ANKH: variants seen among roughly 807,000 people sequenced by gnomAD.
ANKH encodes ANKH inorganic pyrophosphate transport regulator, also known as mineralization regulator ANKH.
A neutral mutation model predicts 49.0 loss-of-function variants in ANKH; 15 were observed. The ratio of observed to expected loss-of-function variants is 0.31; its 90% CI spans 0.20 to 0.47. The LOEUF (loss-of-function observed/expected upper bound fraction) is 0.47. Ranked by LOEUF, ANKH falls within the 20% of genes least tolerant of loss-of-function variation. ANKH has a pLI of 1.00. For missense variants in ANKH, 429 were observed against 652.0 expected, an observed-to-expected ratio of 0.66 and a Z score of 3.72; for synonymous variants, 273 against 260.0, an observed-to-expected ratio of 1.05 and a Z score of -0.48.
chr5:14,722,629 G>C (rs1322760597), intron 8 of ANKH, among the ~76,000 whole-genome samples: 1 of 152,166 alleles, frequency 6.6e-6, no homozygotes, highest in Non-Finnish European at 1.5e-5. Context: ...AATAAGTACA[G>C]TATTGAATTA....
chr5:14,807,941 A>C (rs1236600409), intron 1 of ANKH, among the ~76,000 whole-genome samples: 1 of 152,232 alleles, frequency 6.6e-6, no homozygotes, highest in Non-Finnish European at 1.5e-5. Flanking sequence ...TTCTTTCTTC[A>C]TTAGCTCCTT....
At chr5:14,740,531 G>A (rs1738321199) in intron 8 of ANKH, among the ~76,000 whole-genome samples, 2 of 152,302 alleles carry the variant, frequency 1.3e-5, no homozygotes, top group Admixed American at 6.5e-5. Flanking sequence ...TGTTCCACAG[G>A]GACAGGCTGG....
Position 14,871,565 on chromosome 5 carries a change from G to A in ANKH, c.-118C>T. 2.1e-6 allele frequency: 1 copy of A among 486,788 alleles called. No homozygotes were observed. Among genetic ancestry groups the A allele is most frequent in the Non-Finnish European group, 2.8e-6 (1 of 352,568 alleles). The allele number at this position is 486,788 out of a possible 1,614,324, so 30.2% of individuals were successfully genotyped here. On this transcript the variant is annotated 5_prime_UTR_variant, in exon 1 of 12. Transcript: ENST00000284268. ...GCGCGGGCCGACAGAGGCCGCGGGC[G>A]GCGGGGCCTCGGGCGCGGCGGCGGC...
intron 8 of ANKH, among the ~76,000 whole-genome samples, chr5:14,722,755 C>G (rs951329287): frequency 5.3e-5 from 8 of 152,206 alleles, no homozygotes; most frequent in Non-Finnish European, 1.0e-4. Flanking sequence ...CTGCTCCCCT[C>G]TAAGGTGGGT....
intron 1 of ANKH, among the ~76,000 whole-genome samples, chr5:14,865,789 C>A (rs1735627620): frequency 6.6e-6 from 1 of 152,146 alleles, no homozygotes; most frequent in South Asian, 2.1e-4. Flanking sequence ...TTTTCCTGGG[C>A]TTCTCTTTTT....
chr5:14,799,002 T>G (rs999549510), intron 1 of ANKH, among the ~76,000 whole-genome samples: 1 of 152,210 alleles, frequency 6.6e-6, no homozygotes, highest in Non-Finnish European at 1.5e-5. Flanking sequence ...AAGTTGTGCA[T>G]GTAGAGGGAA....
chr5:14,712,667 G>C (rs1206155380), intron 11 of ANKH, among the ~76,000 whole-genome samples: 2 of 152,244 alleles, frequency 1.3e-5, no homozygotes. Flanking sequence ...CAAAGGGACT[G>C]TCTGTACTTG....
chr5:14,819,725 G>C (rs549098962), intron 1 of ANKH, among the ~76,000 whole-genome samples: 3 of 152,056 alleles, frequency 2.0e-5, no homozygotes, highest in Non-Finnish European at 4.4e-5. Context: ...AATTAGCCAG[G>C]CATGGTAGTG....
chr5:14,807,113 C>CTTTTTTTTTTT (rs35180875), intron 1 of ANKH, among the ~76,000 whole-genome samples: 1 of 127,720 alleles, frequency 7.8e-6, no homozygotes, highest in African/African-American at 2.9e-5. Context: ...CATGATATTT[C>CTTTTTTTTTTT]TTTTTTTTTT....
At chr5:14,748,238 A>G (rs879278811) in intron 6 of ANKH, among the ~76,000 whole-genome samples, 1 of 152,262 alleles carries the variant, frequency 6.6e-6, no homozygotes. Flanking sequence ...TCAAAAAACA[A>G]AATCCAGGAA....
Position 14,741,855 on chromosome 5 carries a change from G to A in ANKH, c.983C>T (p.Thr328Ile), listed in dbSNP as rs1267136513. 1.9e-6 allele frequency: 3 copies of A among 1,614,012 alleles called. No individual in the cohort carries two copies. The African/African-American group carries it at 4.0e-5, about 22-fold the overall frequency. ...GAGTGACAGAGCCATGCAGACGAAG[G>A]TGAACTTCTTGATGTGGGCTGCCGT... ...TVTAAHIKKF[T>I]FVCMALSLTL... Residue 328 changes from threonine to isoleucine, a missense_variant, in exon 8 of 12, where the codon ACC becomes ATC. Thr to Ile is a moderately conservative substitution (Grantham distance 89, BLOSUM62 -1). This residue lies in a region of ANKH where 378 missense variants were observed against 615.3 expected (regional missense o/e 0.61). Coordinates refer to ENST00000284268, the MANE Select transcript of ANKH (RefSeq NM_054027.6).
chr5:14,854,116 T>G (rs1258500810), intron 1 of ANKH, among the ~76,000 whole-genome samples: 1 of 152,234 alleles, frequency 6.6e-6, no homozygotes, highest in African/African-American at 2.4e-5. Context: ...GAGAACTAAC[T>G]GTATTATAAT....
At chr5:14,865,255 C>T (rs575062111) in intron 1 of ANKH, among the ~76,000 whole-genome samples, 3 of 151,618 alleles carry the variant, frequency 2.0e-5, no homozygotes, top group East Asian at 1.9e-4. Flanking sequence ...AACAAAACTC[C>T]GTCTCAAAAA....
chr5:14,815,055 G>A lies in ANKH; in HGVS notation c.97-45864C>T, dbSNP rs145579990. ...TCACCCACCAGCATTGTGTCTCTGC[G>A]CTTTTGAACATGTCACCTGTCCCTC... On this transcript the variant is annotated intron_variant, in intron 1 of 11. Transcript: ENST00000284268. Among the ~76,000 whole-genome samples the A allele has an allele frequency of 4.6e-5, 7 of 152,246 alleles. No homozygotes were observed. In the East Asian group the frequency reaches 9.6e-4, roughly 21 times the overall value.
At chr5:14,720,683 T>G (rs576571268) in intron 8 of ANKH, among the ~76,000 whole-genome samples, 39 of 152,324 alleles carry the variant, frequency 2.6e-4, no homozygotes, top group African/African-American at 9.4e-4. Flanking sequence ...CCATTCTGTG[T>G]TTATCTAAGG....
At chr5:14,847,624 T>A (rs947087332) in intron 1 of ANKH, among the ~76,000 whole-genome samples, 2 of 152,172 alleles carry the variant, frequency 1.3e-5, no homozygotes, top group Non-Finnish European at 2.9e-5. Flanking sequence ...TGAATGACAA[T>A]CTACTGCTCA....
At chr5:14,784,460 T>C (rs1279392093) in intron 1 of ANKH, among the ~76,000 whole-genome samples, 4 of 152,172 alleles carry the variant, frequency 2.6e-5, no homozygotes, top group African/African-American at 7.2e-5. Context: ...AGCTGGTGAG[T>C]GGCGGTGCAC....
At chr5:14,814,384 T>TA (rs1303467580) in intron 1 of ANKH, among the ~76,000 whole-genome samples, 3 of 152,198 alleles carry the variant, frequency 2.0e-5, no homozygotes, top group Admixed American at 6.5e-5. Flanking sequence ...GAGGACTGTT[T>TA]GAGCCCAGGA....
At chr5:14,839,784 C>T (rs937813080) in intron 1 of ANKH, among the ~76,000 whole-genome samples, 1 of 152,160 alleles carries the variant, frequency 6.6e-6, no homozygotes, top group African/African-American at 2.4e-5. Context: ...AAATAAGATA[C>T]TTTGTGCATT....
Sources: gnomAD v4.1 joint callset for allele counts (sites outside exome capture counted in the v4.1 genomes callset) on GRCh38, gnomAD v4.1.1 for gene constraint, gnomAD v4.1.1 regional missense constraint, MANE v1.5 for transcripts, NCBI Gene and HGNC (gene_info 2026-07-23, HGNC 2026-07-21) for gene names.